TMED2: variants seen among roughly 807,000 people sequenced by gnomAD.
TMED2 encodes transmembrane p24 trafficking protein 2, also known as transmembrane emp24 domain-containing protein 2.
Under a neutral mutation model 17.5 loss-of-function variants are expected in TMED2, and 3 were observed. The ratio of observed to expected loss-of-function variants is 0.17; its 90% confidence interval spans 0.08 to 0.44. The LOEUF (loss-of-function observed/expected upper bound fraction) is 0.44, where lower values mean the gene tolerates loss of function less well. Among genes scored for constraint, TMED2 ranks in the 20% least tolerant of loss-of-function variants. The pLI is 0.99. For synonymous variants in TMED2, 95 were observed against 91.0 expected (o/e 1.04, Z -0.25); for missense variants, 149 against 254.8 (o/e 0.58, Z 2.83).
At chr12:123,588,896 C>T (rs984613941) in intron 2 of TMED2, among the ~76,000 whole-genome samples, 1 of 152,280 alleles carries the variant, frequency 6.6e-6, no homozygotes, top group African/African-American at 2.4e-5. Flanking sequence ...AGGGAAATTT[C>T]GAGTGAGGGA....
intron 2 of TMED2, among the ~76,000 whole-genome samples, chr12:123,587,970 T>C (rs1413976885): frequency 2.0e-5 from 3 of 152,270 alleles, no homozygotes; most frequent in Non-Finnish European, 4.4e-5. Flanking sequence ...ATGGTGCCTT[T>C]GACTTTGTAG....
intron 3 of TMED2, among the ~76,000 whole-genome samples, chr12:123,594,193 G>T (rs1953413456): frequency 6.7e-6 from 1 of 150,348 alleles, no homozygotes; most frequent in African/African-American, 2.4e-5. Context: ...GGAGTGCAGT[G>T]GTGCAAACTC....
Position 123,586,884 on chromosome 12 carries a change from G to A in TMED2, c.318G>A (p.Val106=), listed in dbSNP as rs750178274. The A allele has an allele frequency of 1.2e-6, 2 of 1,613,734 alleles. No individual in the cohort carries two copies. ...TGTCCACCATGACTCCAAAAATAGT[G>A]ATGTTCACCATTGATATTGGGGAGG... is the stretch of plus-strand genomic sequence containing the variant. ...NRMSTMTPKI[V]MFTIDIGEAP... is the part of the protein sequence containing the mutation. Residue 106 remains valine, a synonymous_variant, in exon 2 of 4, where the codon GTG becomes GTA. Transcript: ENST00000262225.
intron 3 of TMED2, among the ~76,000 whole-genome samples, chr12:123,592,794 T>C (rs1263330869): frequency 6.6e-6 from 1 of 152,204 alleles, no homozygotes; most frequent in Non-Finnish European, 1.5e-5. Context: ...TGCTTCAATG[T>C]GTTCTATTTA....
intron 3 of TMED2, among the ~76,000 whole-genome samples, chr12:123,592,342 T>G (rs996170341): frequency 1.3e-5 from 2 of 152,312 alleles, no homozygotes; most frequent in Non-Finnish European, 2.9e-5. Context: ...CTGAACTAAC[T>G]CAGAGGGCAA....
At chr12:123,596,515 C>T (rs1953431899) in intron 3 of TMED2, 90 bp from the exon 4 acceptor site, 1 of 1,487,440 alleles carries the variant, frequency 6.7e-7, no homozygotes, top group Admixed American at 2.2e-5. Flanking sequence ...ATATTACTTT[C>T]ACACAGAGTG....
chr12:123,589,582 G>A (rs1953376787), intron 2 of TMED2, among the ~76,000 whole-genome samples: 1 of 152,002 alleles, frequency 6.6e-6, no homozygotes, highest in South Asian at 2.1e-4. Flanking sequence ...TATATAGTAT[G>A]TTTCCTACCC....
chr12:123,584,582 C>A lies in TMED2; in HGVS notation c.-55C>A, dbSNP rs569859380. On this transcript the variant is annotated 5_prime_UTR_variant, in exon 1 of 4. Coordinates refer to ENST00000262225, the MANE Select transcript of TMED2 (RefSeq NM_006815.4). ...GGCAGCGGGGCGGCGGCGGCGGCGG[C>A]GGCGGCGGCTGTGGAGGCCGCAGTC... The A allele has an allele frequency of 7.0e-6, 11 of 1,561,516 alleles. No individual in the cohort carries two copies. In the South Asian group the frequency reaches 1.0e-4, roughly 14 times the overall value.
chr12:123,587,796 T>TA (rs1408179716), intron 2 of TMED2, among the ~76,000 whole-genome samples: 1 of 152,250 alleles, frequency 6.6e-6, no homozygotes, highest in Non-Finnish European at 1.5e-5. Context: ...GGTGGTTTTT[T>TA]ATTTCGTTGA....
intron 3 of TMED2, among the ~76,000 whole-genome samples, chr12:123,594,743 C>T (rs939223239): frequency 6.6e-6 from 1 of 151,066 alleles, no homozygotes; most frequent in African/African-American, 2.4e-5. Context: ...CAAAATTAGT[C>T]AGGTATGGTG....
At chr12:123,591,917 C>T (rs1953395401) in intron 3 of TMED2, among the ~76,000 whole-genome samples, 1 of 152,194 alleles carries the variant, frequency 6.6e-6, no homozygotes, top group Admixed American at 6.5e-5. Context: ...AATCTTTGTT[C>T]TGAGACTGGA....
chr12:123,593,001 CGAGACCAGCCTGGCCAA>C (rs1454526248), intron 3 of TMED2, among the ~76,000 whole-genome samples: 1 of 151,548 alleles, frequency 6.6e-6, no homozygotes, highest in Non-Finnish European at 1.5e-5. Flanking sequence ...GTCAGTAGTT[CGAGACCAGCCTGGCCAA>C]GAGAACAGCC....
In TMED2 at chr12:123,584,585, C is replaced by T. The variant is rs992309677; in HGVS notation, c.-52C>T. 2.5e-5 allele frequency: 39 copies of T among 1,569,372 alleles called. No individual in the cohort carries two copies. The highest frequency in any genetic ancestry group is 2.9e-5 in the Non-Finnish European group (34 of 1,162,744). On this transcript the variant is annotated 5_prime_UTR_variant, in exon 1 of 4. Transcript: ENST00000262225. Reference sequence around the variant, plus strand: ...AGCGGGGCGGCGGCGGCGGCGGCGGCGGCGGCTGTGGAGGCCGCAGTCCGG... The same window carrying T: ...AGCGGGGCGGCGGCGGCGGCGGCGGTGGCGGCTGTGGAGGCCGCAGTCCGG...
rs999744587 is a variant in TMED2 at position 123,586,758 on chromosome 12, A to G, written c.192A>G (p.Pro64=). The change falls in exon 2 of 4, where the codon CCA becomes CCG. Residue 64 remains proline, a synonymous_variant. Transcript: ENST00000262225. ...TCTCTTGCCTCCAGATTACAGGACC[A>G]GATAACAAAGGAATTTACAAAGGAG... ...FLDIDVEITG[P]DNKGIYKGDR... 3 of 1,601,616 alleles carry G rather than the reference A, an allele frequency of 1.9e-6. No individual in the cohort carries two copies. Among genetic ancestry groups the G allele is most frequent in the Non-Finnish European group, 2.6e-6 (3 of 1,173,168 alleles).
intron 3 of TMED2, among the ~76,000 whole-genome samples, chr12:123,593,962 ATTTTTT>A (rs764283197): frequency 0.03 from 4,162 of 136,880 alleles, 84 homozygotes; most frequent in Non-Finnish European, 0.049. Context: ...CACCTGGCTA[ATTTTTT>A]TTTTTTTTTT....
At chr12:123,588,923 T>C (rs1159814139) in intron 2 of TMED2, among the ~76,000 whole-genome samples, 1 of 152,192 alleles carries the variant, frequency 6.6e-6, no homozygotes, top group Non-Finnish European at 1.5e-5. Context: ...GACATTCCAA[T>C]TCAACTGCCT....
Position 123,597,427 on chromosome 12 carries a change from C to A in TMED2, c.*698C>A, listed in dbSNP as rs922648675. 3 of 152,274 alleles carry A rather than the reference C, an allele frequency of 2.0e-5. No individual in the cohort carries two copies. Among genetic ancestry groups the A allele is most frequent in the African/African-American group, 7.2e-5 (3 of 41,466 alleles). 9.4% of individuals were successfully genotyped at this position (152,274 alleles called of 1,614,324 possible). A position where few individuals can be genotyped will look rare whatever the true frequency, so the allele number is the denominator to read the frequency against. On this transcript the variant is annotated 3_prime_UTR_variant, in exon 4 of 4. Transcript: ENST00000262225. ...TAACCCCCTAATTGTCTGTTAAAGC[C>A]AATTCTCTGGGTGTCCCAGTGAGTG...
chr12:123,584,592 T>C lies in TMED2; in HGVS notation c.-45T>C, dbSNP rs1428141260. The stretch of plus-strand genomic sequence containing the variant: ...CGGCGGCGGCGGCGGCGGCGGCGGC[T>C]GTGGAGGCCGCAGTCCGGGTCCTGG... On this transcript the variant is annotated 5_prime_UTR_variant, in exon 1 of 4. Transcript: ENST00000262225. 1.9e-6 allele frequency: 3 copies of C among 1,545,706 alleles called. No homozygotes were observed. The highest frequency in any genetic ancestry group is 2.6e-6 in the Non-Finnish European group (3 of 1,143,042).
In TMED2 at chr12:123,584,891, G is replaced by A; in HGVS notation, c.180+75G>A. 2.6e-6 allele frequency: 4 copies of A among 1,565,198 alleles called. No individual in the cohort carries two copies. The East Asian group carries it at 9.0e-5, about 35-fold the overall frequency. On this transcript the variant is annotated intron_variant, in intron 1 of 3. Coordinates refer to ENST00000262225, the MANE Select transcript of TMED2 (RefSeq NM_006815.4). The stretch of plus-strand genomic sequence containing the variant: ...GATTGGTGGCACCTGGGACCGGCGC[G>A]GGGCCTGTGTGGGGAGTGGGCTTGG...
Sources: gnomAD v4.1 joint callset for allele counts (sites outside exome capture counted in the v4.1 genomes callset) on GRCh38, gnomAD v4.1.1 for gene constraint, MANE v1.5 for transcripts, NCBI Gene and HGNC (gene_info 2026-07-23, HGNC 2026-07-21) for gene names.